SPATA17: variants seen among roughly 807,000 people sequenced by gnomAD.
SPATA17 encodes spermatogenesis associated 17.
A neutral mutation model predicts 62.2 loss-of-function variants in SPATA17; 53 were observed. The ratio of observed to expected loss-of-function variants is 0.85; its 90% confidence interval spans 0.68 to 1.07. The LOEUF (loss-of-function observed/expected upper bound fraction) is 1.07. Among genes scored for constraint, SPATA17 ranks in the 50% least tolerant of loss-of-function variants. The pLI, the probability that SPATA17 is intolerant of heterozygous loss-of-function variation, is 0.00. For missense variants in SPATA17, 466 were observed against 425.5 expected, an observed-to-expected ratio of 1.10 and a Z score of -0.84; for synonymous variants, 146 against 146.8, an observed-to-expected ratio of 0.99 and a Z score of 0.04.
intron 1 of SPATA17, among the ~76,000 whole-genome samples, chr1:217,645,179 G>A (rs1007227873): frequency 7.2e-5 from 11 of 151,924 alleles, no homozygotes; most frequent in African/African-American, 2.7e-4. Context: ...CCTTTTAATT[G>A]CAATGTATAA....
intron 4 of SPATA17, among the ~76,000 whole-genome samples, chr1:217,677,025 A>G (rs768950417): frequency 8.5e-5 from 13 of 152,136 alleles, no homozygotes; most frequent in Non-Finnish European, 1.5e-5. Context: ...ATTATTTTAA[A>G]TTATTTAACT....
At chr1:217,790,926 A>G (rs1673982757) in intron 8 of SPATA17, among the ~76,000 whole-genome samples, 1 of 152,230 alleles carries the variant, frequency 6.6e-6, no homozygotes, top group Non-Finnish European at 1.5e-5. Context: ...AAGAAAATTT[A>G]ACATATCTCA....
intron 5 of SPATA17, among the ~76,000 whole-genome samples, chr1:217,722,189 TAC>T (rs962664329): frequency 6.6e-6 from 1 of 152,168 alleles, no homozygotes; most frequent in African/African-American, 2.4e-5. Context: ...ATGTACCTGT[TAC>T]ACAGACTTTA....
chr1:217,702,616 A>C (rs564485408), intron 5 of SPATA17, among the ~76,000 whole-genome samples: 1 of 152,182 alleles, frequency 6.6e-6, no homozygotes, highest in Non-Finnish European at 1.5e-5. Flanking sequence ...GTTAAGAGCC[A>C]ATGCTTATTT....
At chr1:217,772,848 A>G (rs766553761) in intron 6 of SPATA17, among the ~76,000 whole-genome samples, 3 of 152,210 alleles carry the variant, frequency 2.0e-5, no homozygotes, top group Non-Finnish European at 2.9e-5. Flanking sequence ...AAACAGTGTA[A>G]TGTGATAGGT....
chr1:217,651,250 T>G, intron 3 of SPATA17, 72 bp downstream of exon 3: 1 of 1,268,488 alleles, frequency 7.9e-7, no homozygotes, highest in Non-Finnish European at 1.1e-6. Context: ...TTTAGTCATA[T>G]TTCCATATAG....
chr1:217,796,495 T>C (rs1296340792), intron 8 of SPATA17, among the ~76,000 whole-genome samples: 1 of 152,208 alleles, frequency 6.6e-6, no homozygotes, highest in Non-Finnish European at 1.5e-5. Context: ...GCTTACTGTT[T>C]AGTTGAACAG....
At chr1:217,784,206 A>T (rs1673799704) in intron 8 of SPATA17, among the ~76,000 whole-genome samples, 1 of 152,144 alleles carries the variant, frequency 6.6e-6, no homozygotes, top group African/African-American at 2.4e-5. Context: ...ATTGCAGATA[A>T]TAATTCCGTG....
chr1:217,727,193 G>A (rs1398178569), intron 5 of SPATA17, among the ~76,000 whole-genome samples: 1 of 151,478 alleles, frequency 6.6e-6, no homozygotes, highest in African/African-American at 2.4e-5. Flanking sequence ...GTTGCCGTCA[G>A]CGGAGATCGC....
Position 217,868,564 on chromosome 1 carries a change from T to C in SPATA17, c.*1545T>C, listed in dbSNP as rs1177527134. ...AATATTGAACAGCCCATGTAATTTA[T>C]TGAATATTGTACTAAAAGTGAAAAA... On this transcript the variant is annotated 3_prime_UTR_variant, in exon 11 of 11. Transcript: ENST00000366933. 6.6e-6 allele frequency: 1 copy of C among 152,110 alleles called. No homozygotes were observed. The highest frequency in any genetic ancestry group is 1.9e-4 in the East Asian group (1 of 5,196). The allele number at this position is 152,110 out of a possible 1,614,324, so 9.4% of individuals were successfully genotyped here.
chr1:217,837,833 A>C (rs1675296407), intron 9 of SPATA17, among the ~76,000 whole-genome samples: 3 of 151,906 alleles, frequency 2.0e-5, no homozygotes, highest in African/African-American at 7.3e-5. Flanking sequence ...TGAGTATGTA[A>C]CTCCGTAGAA....
At chr1:217,778,236 C>T (rs1386857259) in intron 7 of SPATA17, among the ~76,000 whole-genome samples, 3 of 152,228 alleles carry the variant, frequency 2.0e-5, no homozygotes, top group East Asian at 3.9e-4. Flanking sequence ...TGCTGGTGGG[C>T]GCGGTGGCTC....
At chr1:217,710,035 G>A (rs987294296) in intron 5 of SPATA17, among the ~76,000 whole-genome samples, 3 of 152,224 alleles carry the variant, frequency 2.0e-5, no homozygotes, top group Non-Finnish European at 4.4e-5. Context: ...AATATGTTTT[G>A]CATTTGAATT....
chr1:217,746,418 T>A (rs754449524), intron 6 of SPATA17, among the ~76,000 whole-genome samples: 1 of 151,102 alleles, frequency 6.6e-6, no homozygotes, highest in Non-Finnish European at 1.5e-5. Context: ...TAGTAATTTT[T>A]ACATTAATTT....
chr1:217,802,110 C>CCAGGTGGT (rs1298248063), intron 9 of SPATA17, among the ~76,000 whole-genome samples: 2 of 151,612 alleles, frequency 1.3e-5, no homozygotes, highest in African/African-American at 4.9e-5. Context: ...TGGCATATGA[C>CCAGGTGGT]CAGGTGGTCA....
intron 3 of SPATA17, among the ~76,000 whole-genome samples, chr1:217,668,060 C>T (rs1368988615): frequency 6.6e-6 from 1 of 152,044 alleles, no homozygotes; most frequent in African/African-American, 2.4e-5. Context: ...GCAGAAAGCC[C>T]CTTTATAAAG....
rs371745570 is a variant in SPATA17 at position 217,704,733 on chromosome 1, AT to A, written c.395+21382del. Among the ~76,000 whole-genome samples the A allele has an allele frequency of 3.4e-4, 51 of 148,600 alleles. 1 individual carries two copies. The highest frequency in any genetic ancestry group is 1.8e-3 in the Admixed American group (27 of 14,858). On this transcript the variant is annotated intron_variant, in intron 5 of 10. Transcript: ENST00000366933. Reference sequence around the variant, plus strand: ...ATGTTGCTTCAAAGGACATGATCTCATTTTTTTTTTAAATGTGTGGGTAGTT... The same window carrying A: ...ATGTTGCTTCAAAGGACATGATCTCATTTTTTTTTAAATGTGTGGGTAGTT...
rs562445864 is a variant in SPATA17, at chr1:217,844,427, G to A, written c.1006-18347G>A. ...GATTTTGGCACATGCACCAAGGCTC[G>A]TGGGACTGGAGTCCCAAGATGGACT... On this transcript the variant is annotated intron_variant, in intron 9 of 10. Coordinates refer to ENST00000366933, the MANE Select transcript of SPATA17 (RefSeq NM_138796.4). Among the ~76,000 whole-genome samples the A allele has an allele frequency of 3.3e-5, 5 of 152,150 alleles. No individual in the cohort carries two copies. The South Asian group carries it at 1.0e-3, about 32-fold the overall frequency.
At chr1:217,795,433 G>A (rs1674111650) in intron 8 of SPATA17, among the ~76,000 whole-genome samples, 1 of 131,830 alleles carries the variant, frequency 7.6e-6, no homozygotes, top group South Asian at 2.6e-4. Flanking sequence ...GCAGTGGTGT[G>A]ATCTCGGCTC....
Sources: gnomAD v4.1 joint callset for allele counts (sites outside exome capture counted in the v4.1 genomes callset) on GRCh38, gnomAD v4.1.1 for gene constraint, MANE v1.5 for transcripts, NCBI Gene and HGNC (gene_info 2026-07-23, HGNC 2026-07-21) for gene names.